KIRREL3: variants seen among roughly 807,000 people sequenced by gnomAD.
KIRREL3 encodes the protein kirre like nephrin family adhesion molecule 3.
A neutral mutation model predicts 89.7 loss-of-function variants in KIRREL3; 36 were observed. That is an observed-to-expected ratio of 0.40 (90% CI 0.31 to 0.53). KIRREL3 has a LOEUF of 0.53. Among genes scored for constraint, KIRREL3 ranks in the 20% least tolerant of loss-of-function variants. The pLI is 0.49. For synonymous variants in KIRREL3, 445 were observed against 441.4 expected (o/e 1.01, Z -0.10); for missense variants, 864 against 1,056.6 (o/e 0.82, Z 2.53).
Position 126,647,917 on chromosome 11 carries a change from A to C in KIRREL3, c.56-85005T>G, listed in dbSNP as rs1011558115. ...GGCCTCGTTGTTACACTTTGACTTA[A>C]TCTTCACTCTTCCTTTTGCTTGCTT... is the stretch of plus-strand genomic sequence containing the variant. On this transcript the variant is annotated intron_variant, in intron 1 of 16. Transcript: ENST00000525144. This position sits in a 1 kb window ranked among gnomAD's most constrained non-coding sequence, Gnocchi z 4.9. Among the ~76,000 whole-genome samples the C allele has an allele frequency of 1.3e-5, 2 of 152,108 alleles. No homozygotes were observed. The highest frequency in any genetic ancestry group is 4.8e-5 in the African/African-American group (2 of 41,416).
intron 4 of KIRREL3, among the ~76,000 whole-genome samples, chr11:126,502,741 C>G (rs942965557): frequency 6.6e-6 from 1 of 152,234 alleles, no homozygotes; most frequent in Non-Finnish European, 1.5e-5. Flanking sequence ...GCTTCTGGCT[C>G]TCCGATTTGC....
intron 9 of KIRREL3, among the ~76,000 whole-genome samples, chr11:126,446,353 T>C (rs908223455): frequency 1.3e-5 from 2 of 151,962 alleles, no homozygotes; most frequent in Non-Finnish European, 1.5e-5. Context: ...TCTTCTTTTT[T>C]TTCCCCAAGG....
chr11:126,531,980 G>A lies in KIRREL3; in HGVS notation c.134-5293C>T, dbSNP rs1233439205. Among the ~76,000 whole-genome samples the A allele has an allele frequency of 2.0e-5, 3 of 152,190 alleles. No individual in the cohort carries two copies. Among genetic ancestry groups the A allele is most frequent in the Non-Finnish European group, 4.4e-5 (3 of 68,042 alleles). ...ACTAACCCGGCAGATACTGTTCAGA[G>A]CACACCACACAGGAGAAAGGTGAGA... is the stretch of plus-strand genomic sequence containing the variant. On this transcript the variant is annotated intron_variant, in intron 2 of 16. Coordinates refer to ENST00000525144, the MANE Select transcript of KIRREL3 (RefSeq NM_032531.4). This position sits in a 1 kb window ranked among gnomAD's most constrained non-coding sequence, Gnocchi z 4.7.
At chr11:126,435,520 C>T (rs943398466) in intron 12 of KIRREL3, among the ~76,000 whole-genome samples, 25 of 128,600 alleles carry the variant, frequency 1.9e-4, no homozygotes, top group African/African-American at 7.4e-4. Flanking sequence ...AGAGAGATCA[C>T]GTCTCGGAGG....
At position 126,430,027 on chromosome 11, in the gene KIRREL3, C is replaced by T. The variant is rs112293185; in HGVS notation, c.1697-739G>A. Among the ~76,000 whole-genome samples the T allele has an allele frequency of 0.069, 10,485 of 151,914 alleles. 388 individuals are homozygous for T. Among genetic ancestry groups the T allele is most frequent in the Middle Eastern group, 0.11 (32 of 292 alleles). Reference sequence around the variant, plus strand: ...GTGGGTGCCTGTAATGCCAGCTACTCGGGAGGCTGAGCATGAGACTCGCTT... The same window carrying T: ...GTGGGTGCCTGTAATGCCAGCTACTTGGGAGGCTGAGCATGAGACTCGCTT... On this transcript the variant is annotated intron_variant, in intron 14 of 16. Coordinates refer to ENST00000525144, the MANE Select transcript of KIRREL3 (RefSeq NM_032531.4). This position sits in a 1 kb window ranked among gnomAD's most constrained non-coding sequence, Gnocchi z 6.6.
At position 126,561,202 on chromosome 11, in the gene KIRREL3, A is replaced by G. The variant is rs1048789308; in HGVS notation, c.133+1633T>C. ...CTGCCTTCCAGCTCTCCAGAGCCAA[A>G]GCTGACCCACCTGTGTCTCTCCTCT... On this transcript the variant is annotated intron_variant, in intron 2 of 16. Coordinates refer to ENST00000525144, the MANE Select transcript of KIRREL3 (RefSeq NM_032531.4). This position sits in a 1 kb window ranked among gnomAD's most constrained non-coding sequence, Gnocchi z 4.5. Among the ~76,000 whole-genome samples the G allele has an allele frequency of 3.3e-5, 5 of 152,128 alleles. No homozygotes were observed. The highest frequency in any genetic ancestry group is 3.3e-4 in the Admixed American group (5 of 15,272).
rs773143310 is a variant in KIRREL3, at chr11:126,462,736, C to T, written c.742+421G>A. Among the ~76,000 whole-genome samples the T allele has an allele frequency of 2.0e-4, 31 of 152,172 alleles. No homozygotes were observed. The highest frequency in any genetic ancestry group is 4.4e-5 in the Non-Finnish European group (3 of 68,030). On this transcript the variant is annotated intron_variant, in intron 6 of 16. Transcript: ENST00000525144. This position sits in a 1 kb window ranked among gnomAD's most constrained non-coding sequence, Gnocchi z 4.8. Reference sequence around the variant, plus strand: ...CTTCTTCTTGTCCCCTTGATCAACCCTTCCATGAGAGTGGCTGGTGCACCC... The same window carrying T: ...CTTCTTCTTGTCCCCTTGATCAACCTTTCCATGAGAGTGGCTGGTGCACCC...
chr11:126,583,248 G>A (rs1484929901), intron 1 of KIRREL3, among the ~76,000 whole-genome samples: 1 of 152,184 alleles, frequency 6.6e-6, no homozygotes, highest in Non-Finnish European at 1.5e-5. Context: ...GTGGTTACCA[G>A]GGAAAATATG....
intron 2 of KIRREL3, among the ~76,000 whole-genome samples, chr11:126,532,907 T>C (rs1222715920): frequency 2.0e-5 from 3 of 151,720 alleles, no homozygotes; most frequent in Non-Finnish European, 4.4e-5. Context: ...TATATTATAA[T>C]ATAGCTTATA....
At chr11:126,895,791 G>A (rs1946132990) in intron 1 of KIRREL3, among the ~76,000 whole-genome samples, 1 of 152,108 alleles carries the variant, frequency 6.6e-6, no homozygotes, top group Non-Finnish European at 1.5e-5. Flanking sequence ...CTTTACTGCT[G>A]TCCTGAGCCT....
chr11:126,582,062 T>C (rs1402987446), intron 1 of KIRREL3, among the ~76,000 whole-genome samples: 1 of 152,194 alleles, frequency 6.6e-6, no homozygotes, highest in Non-Finnish European at 1.5e-5. Flanking sequence ...GGCTGGAACC[T>C]AGATCCTCCC....
intron 4 of KIRREL3, among the ~76,000 whole-genome samples, chr11:126,511,668 G>A (rs1422584647): frequency 6.6e-6 from 1 of 152,160 alleles, no homozygotes; most frequent in African/African-American, 2.4e-5. Flanking sequence ...TGGCCTCCGC[G>A]AGTCTGCCTT....
At chr11:126,590,488 C>A (rs1198812420) in intron 1 of KIRREL3, among the ~76,000 whole-genome samples, 7 of 152,210 alleles carry the variant, frequency 4.6e-5, no homozygotes, top group Non-Finnish European at 4.4e-5. Flanking sequence ...AACACCCCAG[C>A]GGTCCCCACC....
chr11:126,875,496 C>A (rs1945251851), intron 1 of KIRREL3, among the ~76,000 whole-genome samples: 1 of 152,214 alleles, frequency 6.6e-6, no homozygotes. Flanking sequence ...TCTTGTTTCT[C>A]TCTCTGGAGT....
intron 1 of KIRREL3, among the ~76,000 whole-genome samples, chr11:126,932,616 C>T (rs1045442646): frequency 5.3e-5 from 8 of 152,220 alleles, no homozygotes; most frequent in Admixed American, 1.3e-4. Flanking sequence ...GCTACAGCCA[C>T]CCCCAGCAGG....
rs906779342 is a variant in KIRREL3 at position 126,620,098 on chromosome 11, C to T, written c.56-57186G>A. 9.8e-5 allele frequency among the ~76,000 whole-genome samples: 15 copies of T among 152,296 alleles called. No individual in the cohort carries two copies. In the East Asian group the frequency reaches 1.5e-3, roughly 16 times the overall value. ...CAACTTCCACTGTTTTGCTGTTTGC[C>T]CACACAGTGGGCAATCGAATCTGGT... On this transcript the variant is annotated intron_variant, in intron 1 of 16. Coordinates refer to ENST00000525144, the MANE Select transcript of KIRREL3 (RefSeq NM_032531.4). The surrounding 1 kb of genome is among the most constrained non-coding windows in gnomAD (Gnocchi z 4.8).
At chr11:126,929,156 C>T (rs1947837981) in intron 1 of KIRREL3, among the ~76,000 whole-genome samples, 1 of 152,072 alleles carries the variant, frequency 6.6e-6, no homozygotes. Context: ...GGAGAAAAGG[C>T]ACAAGAGAGC....
chr11:126,610,643 G>A lies in KIRREL3; in HGVS notation c.56-47731C>T, dbSNP rs181600744. 1 of 152,350 alleles carries A rather than the reference G, an allele frequency of 6.6e-6. No homozygotes were observed. The highest frequency in any genetic ancestry group is 2.4e-5 in the African/African-American group (1 of 41,562). The allele number at this position is 152,350 out of a possible 1,614,324, so 9.4% of individuals were successfully genotyped here. A position where few individuals can be genotyped will look rare whatever the true frequency, so the allele number is the denominator to read the frequency against. The stretch of plus-strand genomic sequence containing the variant: ...AGCCAACCGTGCATGTCTGAAGCAG[G>A]TATTCTCTTCCCTGCAGGTGCCAGG... On this transcript the variant is annotated intron_variant, in intron 1 of 16. Transcript: ENST00000525144. The surrounding 1 kb of genome is among the most constrained non-coding windows in gnomAD (Gnocchi z 4.6).
chr11:126,718,160 AC>A (rs1322260753), intron 1 of KIRREL3, among the ~76,000 whole-genome samples: 1 of 152,064 alleles, frequency 6.6e-6, no homozygotes, highest in Non-Finnish European at 1.5e-5. Context: ...GCTCTCTCAC[AC>A]CCTTCCATCT....
Sources: allele counts gnomAD v4.1 joint callset (sites outside exome capture counted in the v4.1 genomes callset), GRCh38; gene constraint gnomAD v4.1.1; non-coding constraint Gnocchi (gnomAD v3.1); transcripts MANE v1.5; gene names NCBI Gene and HGNC (gene_info 2026-07-23, HGNC 2026-07-21).